Variants in CADM2 observed in about 807,000 individuals in gnomAD.
The protein encoded by CADM2 is cell adhesion molecule 2, also known as immunoglobulin superfamily member 4D.
CADM2 carries 12 observed loss-of-function variants against 49.8 expected under a neutral mutation model. That is an observed-to-expected ratio of 0.24 (90% CI 0.15 to 0.39). The LOEUF (loss-of-function observed/expected upper bound fraction) is 0.39, where lower values mean the gene tolerates loss of function less well. Ranked by LOEUF, CADM2 falls within the 10% of genes least tolerant of loss-of-function variation. CADM2 has a pLI of 1.00. For synonymous variants in CADM2, 214 were observed against 175.4 expected (o/e 1.22, Z -1.74); for missense variants, 378 against 492.3 (o/e 0.77, Z 2.20).
At chr3:85,205,292 G>A (rs538498848) in intron 1 of CADM2, among the ~76,000 whole-genome samples, 2 of 152,094 alleles carry the variant, frequency 1.3e-5, no homozygotes, top group East Asian at 3.9e-4. Flanking sequence ...CAAAGTGCTG[G>A]GATTCCAGGT....
chr3:85,400,655 A>G (rs577500238), intron 1 of CADM2, among the ~76,000 whole-genome samples: 18 of 152,142 alleles, frequency 1.2e-4, no homozygotes, highest in Non-Finnish European at 2.4e-4. Flanking sequence ...TAGGGATTCA[A>G]CTTCTTCCTG....
At chr3:85,296,134 G>A (rs1019279676) in intron 1 of CADM2, among the ~76,000 whole-genome samples, 1 of 151,764 alleles carries the variant, frequency 6.6e-6, no homozygotes, top group Non-Finnish European at 1.5e-5. Flanking sequence ...TTTAAATCTT[G>A]AAATGTTTGG....
chr3:86,002,115 T>G (rs1387782536), intron 8 of CADM2, among the ~76,000 whole-genome samples: 2 of 152,066 alleles, frequency 1.3e-5, no homozygotes, highest in Non-Finnish European at 2.9e-5. Context: ...CTTCATGATG[T>G]CAAAGTAGCT....
At chr3:85,043,403 G>A (rs886501626) in intron 1 of CADM2, among the ~76,000 whole-genome samples, 13 of 151,978 alleles carry the variant, frequency 8.6e-5, no homozygotes, top group African/African-American at 2.7e-4. Flanking sequence ...TGTTAGGCCG[G>A]GTGCAGGGGC....
chr3:85,558,377 T>C (rs2062013485), intron 1 of CADM2, among the ~76,000 whole-genome samples: 1 of 152,018 alleles, frequency 6.6e-6, no homozygotes, highest in Non-Finnish European at 1.5e-5. Context: ...AAATAAATAG[T>C]AATTATCGTG....
intron 1 of CADM2, among the ~76,000 whole-genome samples, chr3:85,072,546 A>G (rs566629020): frequency 1.6e-4 from 25 of 152,186 alleles, no homozygotes; most frequent in Admixed American, 9.2e-4. Context: ...TAATGATTTA[A>G]TTCATTCATT....
At chr3:85,098,387 A>C (rs1045158685) in intron 1 of CADM2, among the ~76,000 whole-genome samples, 7 of 152,100 alleles carry the variant, frequency 4.6e-5, no homozygotes, top group Admixed American at 4.6e-4. Context: ...TTAACTTTCT[A>C]TCTTTAATTT....
At chr3:86,049,727 G>A (rs890897164) in intron 8 of CADM2, among the ~76,000 whole-genome samples, 5 of 151,964 alleles carry the variant, frequency 3.3e-5, no homozygotes, top group Non-Finnish European at 5.9e-5. Context: ...GGTGAGGGTC[G>A]GTGCTACACA....
chr3:85,640,585 T>C (rs1576996252), intron 1 of CADM2, among the ~76,000 whole-genome samples: 1 of 152,238 alleles, frequency 6.6e-6, no homozygotes, highest in South Asian at 2.1e-4. Flanking sequence ...GCAAGACGTT[T>C]GGTATGTCAG....
At chr3:85,875,620 G>T (rs906858090) in intron 3 of CADM2, among the ~76,000 whole-genome samples, 1 of 152,098 alleles carries the variant, frequency 6.6e-6, no homozygotes, top group African/African-American at 2.4e-5. Context: ...GATCCTTGGG[G>T]GAAGTAGAGA....
chr3:85,216,770 A>C (rs914536054), intron 1 of CADM2, among the ~76,000 whole-genome samples: 2 of 152,130 alleles, frequency 1.3e-5, no homozygotes, highest in Admixed American at 6.6e-5. Context: ...TGTAGAATTT[A>C]AACTATTTGC....
chr3:85,454,739 A>G (rs757150794), intron 1 of CADM2, among the ~76,000 whole-genome samples: 4 of 152,220 alleles, frequency 2.6e-5, no homozygotes, highest in Non-Finnish European at 5.9e-5. Context: ...AGTACCCACT[A>G]TGAACCAACT....
chr3:85,327,789 A>C lies in CADM2; in HGVS notation c.61+368121A>C, dbSNP rs182218479. On this transcript the variant is annotated intron_variant, in intron 1 of 9. Transcript: ENST00000383699. ...GTTTGGCCTTATTTTTCTGTAATTCATACTGCTTCTTGTAATTGTGAATTA... is the reference window on the plus strand; with the variant it reads ...GTTTGGCCTTATTTTTCTGTAATTCCTACTGCTTCTTGTAATTGTGAATTA... Among the ~76,000 whole-genome samples the C allele has an allele frequency of 2.4e-3, 362 of 152,218 alleles. 1 individual carries two copies. Among genetic ancestry groups the C allele is most frequent in the African/African-American group, 8.5e-3 (351 of 41,530 alleles).
At chr3:85,560,760 G>GT (rs1344764329) in intron 1 of CADM2, among the ~76,000 whole-genome samples, 6 of 152,136 alleles carry the variant, frequency 3.9e-5, no homozygotes, top group Non-Finnish European at 4.4e-5. Context: ...TACAACAATT[G>GT]TAAGTAAATA....
At chr3:85,820,999 G>C (rs909817763) in intron 3 of CADM2, among the ~76,000 whole-genome samples, 1 of 152,144 alleles carries the variant, frequency 6.6e-6, no homozygotes, top group Non-Finnish European at 1.5e-5. Flanking sequence ...ATAAAACTAC[G>C]TTGGCTATTG....
At chr3:85,512,658 T>C (rs11127897) in intron 1 of CADM2, among the ~76,000 whole-genome samples, 90,440 of 151,808 alleles carry the variant, frequency 0.6, 28,380 homozygotes, top group East Asian at 0.93. Flanking sequence ...TTTTGCAGCA[T>C]GTATTGCATC....
At chr3:85,726,441 C>T in intron 1 of CADM2, 81 bp from the exon 2 acceptor site, 1 of 1,442,766 alleles carries the variant, frequency 6.9e-7, no homozygotes, top group Non-Finnish European at 9.7e-7. Flanking sequence ...ATAGCAATAA[C>T]ATCTCTGCTT....
chr3:85,435,962 T>C (rs2036909193), intron 1 of CADM2, among the ~76,000 whole-genome samples: 1 of 150,118 alleles, frequency 6.7e-6, no homozygotes, highest in South Asian at 2.2e-4. Flanking sequence ...TTTTCTCCCA[T>C]TCTGTAAGTT....
At chr3:85,051,971 A>G (rs1461675091) in intron 1 of CADM2, among the ~76,000 whole-genome samples, 2 of 152,106 alleles carry the variant, frequency 1.3e-5, no homozygotes, top group African/African-American at 4.8e-5. Flanking sequence ...AGGAGCCAAG[A>G]GTTCTGGAAG....
Sources: allele counts gnomAD v4.1 joint callset (sites outside exome capture counted in the v4.1 genomes callset), GRCh38; gene constraint gnomAD v4.1.1; transcripts MANE v1.5; gene names NCBI Gene and HGNC (gene_info 2026-07-23, HGNC 2026-07-21).